Variants in PI4K2A observed in about 807,000 individuals in gnomAD.
The protein encoded by PI4K2A is phosphatidylinositol 4-kinase type 2 alpha, also known as phosphatidylinositol 4-kinase type 2-alpha.
Under a neutral mutation model 55.0 loss-of-function variants are expected in PI4K2A, and 20 were observed. The observed-to-expected ratio is 0.36, with a 90% CI of 0.26 to 0.53. PI4K2A has a LOEUF of 0.53. PI4K2A is among the 20% of genes least tolerant of loss of function. The pLI is 0.91. For synonymous variants in PI4K2A, 235 were observed against 258.5 expected, an observed-to-expected ratio of 0.91 and a Z score of 0.87; for missense variants, 463 against 637.1, an observed-to-expected ratio of 0.73 and a Z score of 2.94.
At chr10:97,651,846 C>A (rs1331219739) in intron 2 of PI4K2A, among the ~76,000 whole-genome samples, 2 of 146,120 alleles carry the variant, frequency 1.4e-5, no homozygotes, top group Admixed American at 7.2e-5. Context: ...AGGCTAAGAA[C>A]CCCTGCACTA....
At chr10:97,653,554 C>G (rs946981080) in intron 2 of PI4K2A, among the ~76,000 whole-genome samples, 1 of 152,204 alleles carries the variant, frequency 6.6e-6, no homozygotes, top group Non-Finnish European at 1.5e-5. Context: ...TTTGGTCTTC[C>G]TCTTTCCCTG....
At chr10:97,643,371 G>A (rs1324388629) in intron 1 of PI4K2A, among the ~76,000 whole-genome samples, 1 of 151,866 alleles carries the variant, frequency 6.6e-6, no homozygotes, top group Non-Finnish European at 1.5e-5. Flanking sequence ...TACAGGAGAA[G>A]GAGGAATATT....
intron 4 of PI4K2A, among the ~76,000 whole-genome samples, chr10:97,662,184 T>C (rs545449356): frequency 3.9e-5 from 6 of 152,320 alleles, no homozygotes; most frequent in African/African-American, 1.4e-4. Context: ...TTTTTAAACA[T>C]ATTAAGGATT....
intron 1 of PI4K2A, among the ~76,000 whole-genome samples, chr10:97,643,370 A>G (rs1285377274): frequency 6.6e-6 from 1 of 151,852 alleles, no homozygotes; most frequent in African/African-American, 2.4e-5. Context: ...GTACAGGAGA[A>G]GGAGGAATAT....
In PI4K2A at chr10:97,650,278, C is replaced by CTTTTTTTTTTTTTTTTTT. The variant is rs71007356; in HGVS notation, c.436-647_436-646insTTTTTTTTTTTTTTTTTT. 4.6e-5 allele frequency among the ~76,000 whole-genome samples: 5 copies of CTTTTTTTTTTTTTTTTTT among 108,114 alleles called. 1 individual carries two copies. The highest frequency in any genetic ancestry group is 4.1e-5 in the African/African-American group (1 of 24,106). 70.9% of individuals were successfully genotyped at this position (108,114 alleles called of 152,430 possible). ...TCTACCACTGAATTGGCTTCTGTAC[C>CTTTTTTTTTTTTTTTTTT]TTTTTTTTTTTTTTTTGTGAGACAG... On this transcript the variant is annotated intron_variant, in intron 1 of 8. Transcript: ENST00000370631.
exon 9 of PI4K2A, chr10:97,674,585 T>C (rs1010784067): frequency 2.6e-5 from 4 of 152,244 alleles, no homozygotes; most frequent in Admixed American, 2.6e-4. Flanking sequence ...AAGTGGTCTA[T>C]GGGTGAACAT....
intron 8 of PI4K2A, 49 bp downstream of exon 8, chr10:97,667,169 G>A (rs994595234): frequency 1.5e-6 from 2 of 1,357,572 alleles, no homozygotes; most frequent in Non-Finnish European, 2.1e-6. Context: ...TGGGAGTGTT[G>A]TGTGCTCAGG....
intron 4 of PI4K2A, among the ~76,000 whole-genome samples, chr10:97,661,036 G>T (rs1215477576): frequency 6.6e-6 from 1 of 151,734 alleles, no homozygotes; most frequent in African/African-American, 2.4e-5. Context: ...CTGTTGCCCA[G>T]GCTGGAGTGC....
chr10:97,659,099 A>G (rs12262035), intron 4 of PI4K2A, among the ~76,000 whole-genome samples: 3,966 of 152,326 alleles, frequency 0.026, 166 homozygotes, highest in East Asian at 0.15. Flanking sequence ...CAGTAGCACA[A>G]TCATAGCTCA....
At chr10:97,675,820 G>A (rs2041661442) in exon 9 of PI4K2A, 1 of 152,676 alleles carries the variant, frequency 6.5e-6, no homozygotes. Flanking sequence ...AGGTTGCCTT[G>A]AATGTGGACT....
intron 8 of PI4K2A, among the ~76,000 whole-genome samples, chr10:97,673,331 C>A (rs2041645900): frequency 6.6e-6 from 1 of 152,084 alleles, no homozygotes; most frequent in African/African-American, 2.4e-5. Context: ...CTGCGTCGTT[C>A]TTTTGTATCT....
intron 4 of PI4K2A, among the ~76,000 whole-genome samples, chr10:97,657,175 T>G (rs1202908146): frequency 6.6e-6 from 1 of 152,210 alleles, no homozygotes; most frequent in African/African-American, 2.4e-5. Flanking sequence ...CACTTAACTC[T>G]TCCAAAGCAC....
At chr10:97,648,574 C>CAGT (rs900913044) in intron 1 of PI4K2A, among the ~76,000 whole-genome samples, 6 of 152,160 alleles carry the variant, frequency 3.9e-5, no homozygotes, top group Admixed American at 6.5e-5. Flanking sequence ...TTTCAGCCCC[C>CAGT]AGTAGTAGTA....
In PI4K2A at chr10:97,651,046, C is replaced by T. The variant is rs773047134; in HGVS notation, c.541C>T (p.Arg181Cys). The T allele has an allele frequency of 1.9e-6, 3 of 1,613,958 alleles. No individual in the cohort carries two copies. In the African/African-American group the frequency reaches 4.0e-5, roughly 22 times the overall value. Reference sequence around the variant, plus strand: ...GCTGTGCTGTCCTTGCTGCTTTGGCCGTGACTGCCTTGTCCTTAACCAGGG... The same window carrying T: ...GCTGTGCTGTCCTTGCTGCTTTGGCTGTGACTGCCTTGTCCTTAACCAGGG... Residue 181 changes from arginine to cysteine, a missense_variant, in exon 2 of 9, where the codon CGT becomes TGT. Around this residue, in one of 2 missense-constraint regions of PI4K2A, gnomAD observed 277 missense variants for 432.6 expected, o/e 0.64. Coordinates refer to ENST00000370631, the Ensembl canonical transcript of PI4K2A.
At chr10:97,650,726 G>A (rs1487924691) in intron 1 of PI4K2A, among the ~76,000 whole-genome samples, 1 of 152,194 alleles carries the variant, frequency 6.6e-6, no homozygotes, top group Non-Finnish European at 1.5e-5. Flanking sequence ...GACTTAAGAT[G>A]TTCTTTGGCC....
Position 97,656,089 on chromosome 10 carries a change from T to C in PI4K2A, c.637-196T>C, listed in dbSNP as rs1421126256. Reference sequence around the variant, plus strand: ...CAGCAGTGGAAGTGTTGTACATACATAATTTTGTCATTATTTCATTGGCCC... The same window carrying C: ...CAGCAGTGGAAGTGTTGTACATACACAATTTTGTCATTATTTCATTGGCCC... On this transcript the variant is annotated intron_variant, in intron 2 of 8. Coordinates refer to ENST00000370631, the Ensembl canonical transcript of PI4K2A. This position sits in a 1 kb window ranked among gnomAD's most constrained non-coding sequence, Gnocchi z 4.5. 6.6e-6 allele frequency among the ~76,000 whole-genome samples: 1 copy of C among 152,232 alleles called. No individual in the cohort carries two copies. The highest frequency in any genetic ancestry group is 1.5e-5 in the Non-Finnish European group (1 of 68,032).
chr10:97,667,250 C>T, intron 8 of PI4K2A, 130 bp downstream of exon 8: 1 of 648,844 alleles, frequency 1.5e-6, no homozygotes, highest in East Asian at 2.8e-5. Context: ...CACTCTGTCA[C>T]CCAGGCTAAA....
intron 2 of PI4K2A, among the ~76,000 whole-genome samples, chr10:97,651,841 A>G (rs548889375): frequency 1.3e-5 from 2 of 151,420 alleles, no homozygotes; most frequent in Non-Finnish European, 2.9e-5. Flanking sequence ...ACACCAGGCT[A>G]AGAACCCCTG....
intron 2 of PI4K2A, among the ~76,000 whole-genome samples, chr10:97,652,383 C>T (rs1037403033): frequency 3.3e-5 from 5 of 152,060 alleles, no homozygotes; most frequent in African/African-American, 1.2e-4. Flanking sequence ...GCAGCCTTGA[C>T]CTCCCAGGCT....
Sources: gnomAD v4.1 joint callset for allele counts (sites outside exome capture counted in the v4.1 genomes callset) on GRCh38, gnomAD v4.1.1 for gene constraint, gnomAD v4.1.1 regional missense constraint, Gnocchi (gnomAD v3.1) non-coding constraint, MANE v1.5 for transcripts, NCBI Gene and HGNC (gene_info 2026-07-23, HGNC 2026-07-21) for gene names.